The following BFSP2 variants were observed in gnomAD, a reference collection of about 807,000 sequenced individuals.
BFSP2 encodes the protein beaded filament structural protein 2, also known as phakinin.
BFSP2 carries 38 observed loss-of-function variants against 44.9 expected under a neutral mutation model. That is an observed-to-expected ratio of 0.85 (90% CI 0.65 to 1.11). The LOEUF (loss-of-function observed/expected upper bound fraction) is 1.11. Ranked by LOEUF, BFSP2 falls within the 50% of genes least tolerant of loss-of-function variation. The pLI, the probability that BFSP2 is intolerant of heterozygous loss-of-function variation, is 0.00. For missense variants in BFSP2, 525 were observed against 533.0 expected (o/e 0.99, Z 0.15); for synonymous variants, 197 against 209.9 (o/e 0.94, Z 0.53).
At chr3:133,470,919 G>A (rs115365499) in intron 5 of BFSP2, among the ~76,000 whole-genome samples, 136 of 152,336 alleles carry the variant, frequency 8.9e-4, no homozygotes, top group African/African-American at 3.2e-3. Flanking sequence ...GCTTCCTGGG[G>A]CAGGTTACCT....
chr3:133,431,782 T>A (rs1442902457), intron 1 of BFSP2, among the ~76,000 whole-genome samples: 1 of 152,160 alleles, frequency 6.6e-6, no homozygotes, highest in African/African-American at 2.4e-5. Flanking sequence ...ACAGCCAGGC[T>A]TCTAAACCTC....
At chr3:133,414,927 CTG>C (rs2107885722) in intron 1 of BFSP2, among the ~76,000 whole-genome samples, 1 of 131,584 alleles carries the variant, frequency 7.6e-6, no homozygotes, top group Non-Finnish European at 1.6e-5. Context: ...CCTGTCCCCT[CTG>C]CTCACCCCTC....
chr3:133,447,493 T>C (rs566650387), intron 2 of BFSP2, 94 bp downstream of exon 2: 47 of 1,291,888 alleles, frequency 3.6e-5, no homozygotes, highest in Non-Finnish European at 4.7e-5. Flanking sequence ...ATCATCCACC[T>C]TCTACCTCAG....
chr3:133,436,140 G>A (rs1203160974), intron 1 of BFSP2, among the ~76,000 whole-genome samples: 2 of 151,886 alleles, frequency 1.3e-5, no homozygotes, highest in Admixed American at 1.3e-4. Flanking sequence ...GAGGCAGGTG[G>A]ATCACTTGAG....
intron 4 of BFSP2, among the ~76,000 whole-genome samples, chr3:133,462,142 C>G (rs1456000677): frequency 6.6e-6 from 1 of 152,164 alleles, no homozygotes; most frequent in Admixed American, 6.5e-5. Flanking sequence ...TTCTCAAGAT[C>G]CTAAGGTGAC....
intron 3 of BFSP2, among the ~76,000 whole-genome samples, chr3:133,449,598 G>A (rs1326193284): frequency 6.6e-6 from 1 of 151,988 alleles, no homozygotes; most frequent in East Asian, 1.9e-4. Context: ...CATCCTTGGT[G>A]CTAGGCATGG....
intron 1 of BFSP2, among the ~76,000 whole-genome samples, chr3:133,432,379 T>C (rs1333221176): frequency 6.6e-6 from 1 of 152,184 alleles, no homozygotes; most frequent in Admixed American, 6.5e-5. Context: ...AGATGCTTTT[T>C]TCACTATTCC....
chr3:133,462,186 AAACTAACCTACAGTTTACAGAT>A (rs1437782113), intron 4 of BFSP2, among the ~76,000 whole-genome samples: 1 of 152,238 alleles, frequency 6.6e-6, no homozygotes, highest in Non-Finnish European at 1.5e-5. Flanking sequence ...TTTCCATTTT[AAACTAACCTACAGTTTACAGAT>A]AACTAACCTA....
At chr3:133,423,496 TCTGACATCAC>T (rs2073613430) in intron 1 of BFSP2, among the ~76,000 whole-genome samples, 1 of 148,656 alleles carries the variant, frequency 6.7e-6, no homozygotes, top group Non-Finnish European at 1.5e-5. Context: ...TACACAGCCC[TCTGACATCAC>T]CTGCCCAGCC....
chr3:133,423,571 C>CG (rs1314561565), intron 1 of BFSP2, among the ~76,000 whole-genome samples: 2 of 113,208 alleles, frequency 1.8e-5, no homozygotes, highest in East Asian at 5.6e-4. Flanking sequence ...GCGGCGGGGG[C>CG]GGGGGTAGGA....
intron 1 of BFSP2, among the ~76,000 whole-genome samples, chr3:133,438,229 A>G (rs1295970295): frequency 6.6e-6 from 1 of 152,218 alleles, no homozygotes; most frequent in African/African-American, 2.4e-5. Context: ...CAGGCTCTGG[A>G]TGAAAGAAAC....
chr3:133,427,180 A>G (rs1424037742), intron 1 of BFSP2, among the ~76,000 whole-genome samples: 3 of 152,236 alleles, frequency 2.0e-5, no homozygotes, highest in Non-Finnish European at 4.4e-5. Flanking sequence ...TGGGTCTCCA[A>G]GATGGTGCCC....
chr3:133,417,957 CCT>C (rs1212240101), intron 1 of BFSP2, among the ~76,000 whole-genome samples: 1 of 146,326 alleles, frequency 6.8e-6, no homozygotes, highest in South Asian at 2.4e-4. Flanking sequence ...CCTCTACTCA[CCT>C]CTGTCATCTC....
chr3:133,453,049 G>C (rs544452761), intron 4 of BFSP2, among the ~76,000 whole-genome samples: 12 of 152,158 alleles, frequency 7.9e-5, no homozygotes, highest in Non-Finnish European at 1.6e-4. Context: ...AGAGAAAACA[G>C]ACAGTATTTG....
chr3:133,424,196 C>A (rs1368115487), intron 1 of BFSP2, among the ~76,000 whole-genome samples: 2 of 137,040 alleles, frequency 1.5e-5, no homozygotes, highest in African/African-American at 3.0e-5. Flanking sequence ...CAGGCGCCTA[C>A]CACCGCGTCC....
intron 1 of BFSP2, among the ~76,000 whole-genome samples, chr3:133,424,216 T>TGTG (rs1559963358): frequency 8.3e-4 from 41 of 49,376 alleles, no homozygotes; most frequent in Non-Finnish European, 1.0e-3. Flanking sequence ...CAGCTAATTT[T>TGTG]TTTTTTTTTT....
intron 4 of BFSP2, among the ~76,000 whole-genome samples, chr3:133,460,753 T>C (rs1314511404): frequency 6.6e-6 from 1 of 152,240 alleles, no homozygotes; most frequent in East Asian, 1.9e-4. Flanking sequence ...ATTGTTTACC[T>C]TTCTCCATGA....
intron 1 of BFSP2, among the ~76,000 whole-genome samples, chr3:133,442,067 G>A (rs6806830): frequency 6.6e-6 from 1 of 152,052 alleles, no homozygotes; most frequent in African/African-American, 2.4e-5. Flanking sequence ...GGCCTTGAAG[G>A]CCACTTCAGA....
Position 133,466,817 on chromosome 3 carries a change from A to C in BFSP2, c.892-11A>C. 6.2e-7 allele frequency: 1 copy of C among 1,612,804 alleles called. No homozygotes were observed. The highest frequency in any genetic ancestry group is 8.5e-7 in the Non-Finnish European group (1 of 1,179,812). ...TCATCACCGCTCACACTGAGACCTGACTCTCCACAGCAACAGGCGGAGGTG... is the reference window on the plus strand; with the variant it reads ...TCATCACCGCTCACACTGAGACCTGCCTCTCCACAGCAACAGGCGGAGGTG... On this transcript the variant is annotated splice_polypyrimidine_tract_variant and intron_variant, in intron 4 of 6. Coordinates refer to ENST00000302334, the MANE Select transcript of BFSP2 (RefSeq NM_003571.4).
Sources: gnomAD v4.1 joint callset for allele counts (sites outside exome capture counted in the v4.1 genomes callset) on GRCh38, gnomAD v4.1.1 for gene constraint, MANE v1.5 for transcripts, NCBI Gene and HGNC (gene_info 2026-07-23, HGNC 2026-07-21) for gene names.